ANXA3: variants seen among roughly 807,000 people sequenced by gnomAD.
ANXA3 encodes annexin A3.
In ANXA3, 46 loss-of-function variants were observed where a neutral mutation model predicts 48.8. The observed-to-expected ratio is 0.94, with a 90% CI of 0.74 to 1.21. ANXA3 has a LOEUF of 1.21. Ranked by LOEUF, ANXA3 falls within the 50% of genes most tolerant of loss-of-function variation. The pLI, the probability that ANXA3 is intolerant of heterozygous loss-of-function variation, is 0.00. For synonymous variants in ANXA3, 128 were observed against 134.7 expected, an observed-to-expected ratio of 0.95 and a Z score of 0.35; for missense variants, 383 against 378.6, an observed-to-expected ratio of 1.01 and a Z score of -0.10.
intron 2 of ANXA3, among the ~76,000 whole-genome samples, chr4:78,559,367 G>A (rs1198463325): frequency 6.6e-6 from 1 of 152,146 alleles, no homozygotes; most frequent in African/African-American, 2.4e-5. Flanking sequence ...ACAGGTGTGA[G>A]CCACCACACC....
At chr4:78,573,352 C>T in intron 3 of ANXA3, 85 bp downstream of exon 3, 1 of 981,552 alleles carries the variant, frequency 1.0e-6, no homozygotes, top group Non-Finnish European at 1.6e-6. Context: ...CTCAGATTGG[C>T]TTACTCAATT....
At chr4:78,577,391 A>C (rs1722977550) in intron 3 of ANXA3, among the ~76,000 whole-genome samples, 1 of 152,194 alleles carries the variant, frequency 6.6e-6, no homozygotes, top group Non-Finnish European at 1.5e-5. Context: ...TCAGAGAGGA[A>C]ATACAATAAA....
At chr4:78,561,083 A>C (rs545665319) in intron 2 of ANXA3, among the ~76,000 whole-genome samples, 19 of 152,356 alleles carry the variant, frequency 1.2e-4, no homozygotes, top group Non-Finnish European at 2.2e-4. Context: ...ATAGATTAGC[A>C]AGGCAGAATC....
At chr4:78,578,298 CGAGAGAGAGAGA>C (rs1220106430) in intron 3 of ANXA3, among the ~76,000 whole-genome samples, 2 of 46,516 alleles carry the variant, frequency 4.3e-5, no homozygotes, top group South Asian at 9.6e-4. Flanking sequence ...AGAGAGAGAG[CGAGAGAGAGAGA>C]GAGAGAGAGA....
In ANXA3 at chr4:78,586,389, A is replaced by G. The variant is rs771464975; in HGVS notation, c.403+39A>G. ...TGCTTACCTTCACCACTGTTCACAC[A>G]TATTTGAGCCAATGTTGCTTTTCCT... On this transcript the variant is annotated intron_variant, in intron 6 of 12. Transcript: ENST00000264908. 11 of 1,471,404 alleles carry G rather than the reference A, an allele frequency of 7.5e-6. No individual in the cohort carries two copies. The East Asian group carries it at 2.1e-4, about 28-fold the overall frequency. The allele number at this position is 1,471,404 out of a possible 1,614,324, so 91.1% of individuals were successfully genotyped here. A position where few individuals can be genotyped will look rare whatever the true frequency, so the allele number is the denominator to read the frequency against.
chr4:78,579,767 A>G (rs1454577949), intron 4 of ANXA3, among the ~76,000 whole-genome samples: 1 of 152,132 alleles, frequency 6.6e-6, no homozygotes, highest in Non-Finnish European at 1.5e-5. Flanking sequence ...CATTTCTACT[A>G]AAAATACTGA....
chr4:78,566,208 A>C (rs1242634757), intron 2 of ANXA3, among the ~76,000 whole-genome samples: 1 of 152,150 alleles, frequency 6.6e-6, no homozygotes, highest in Non-Finnish European at 1.5e-5. Context: ...TGGAAAATAC[A>C]ACATCAATGG....
chr4:78,610,039 G>T lies in ANXA3; in HGVS notation c.913-17G>T. On this transcript the variant is annotated splice_polypyrimidine_tract_variant and intron_variant, in intron 12 of 12. Coordinates refer to ENST00000264908, the MANE Select transcript of ANXA3 (RefSeq NM_005139.3). ...ATTTATACTGTATTTGTTCTTCATT[G>T]ATTTTATTCTTTGCAGTCGGATACT... 1 of 1,587,492 alleles carries T rather than the reference G, an allele frequency of 6.3e-7. No homozygotes were observed. The highest frequency in any genetic ancestry group is 1.1e-5 in the South Asian group (1 of 89,346).
intron 10 of ANXA3, among the ~76,000 whole-genome samples, chr4:78,598,292 C>T (rs908430714): frequency 1.4e-5 from 2 of 143,606 alleles, no homozygotes; most frequent in African/African-American, 2.5e-5. Flanking sequence ...TTCTTTCTTT[C>T]TTTTTTTTTT....
chr4:78,590,920 A>G (rs12641838), intron 6 of ANXA3, among the ~76,000 whole-genome samples: 109,010 of 151,924 alleles, frequency 0.72, 39,470 homozygotes, highest in East Asian at 0.88. Flanking sequence ...AGGAACTCAG[A>G]CTTCTTCTTG....
chr4:78,593,899 G>A (rs558019428), intron 7 of ANXA3, among the ~76,000 whole-genome samples: 1 of 143,102 alleles, frequency 7.0e-6, no homozygotes, highest in South Asian at 2.3e-4. Context: ...AATGAATATT[G>A]ATACATTATT....
chr4:78,567,702 G>A (rs944879044), intron 2 of ANXA3, among the ~76,000 whole-genome samples: 1 of 152,210 alleles, frequency 6.6e-6, no homozygotes, highest in African/African-American at 2.4e-5. Flanking sequence ...AGTTAGTACA[G>A]CTTGCTAATA....
chr4:78,578,286 GGAGAGAGAGAGCGAGA>G (rs1722998192), intron 3 of ANXA3, among the ~76,000 whole-genome samples: 1 of 81,184 alleles, frequency 1.2e-5, no homozygotes, highest in Non-Finnish European at 2.6e-5. Flanking sequence ...AGGGCGAAGG[GGAGAGAGAGAGCGAGA>G]GAGAGAGAGA....
Position 78,589,224 on chromosome 4 carries a change from T to C in ANXA3, c.404-2320T>C, listed in dbSNP as rs182823655. 3.5e-3 allele frequency among the ~76,000 whole-genome samples: 537 copies of C among 152,338 alleles called. 2 individuals carry two copies. The highest frequency in any genetic ancestry group is 0.012 in the African/African-American group (510 of 41,586). On this transcript the variant is annotated intron_variant, in intron 6 of 12. Coordinates refer to ENST00000264908, the MANE Select transcript of ANXA3 (RefSeq NM_005139.3). The stretch of plus-strand genomic sequence containing the variant: ...AGGTCTTAAGAGCCAAGTGAAACTT[T>C]TACCATTCAGGATAGTGTTGTGCAG...
intron 2 of ANXA3, 29 bp from the exon 3 acceptor site, chr4:78,573,151 C>G (rs1353210408): frequency 3.3e-6 from 5 of 1,495,970 alleles, no homozygotes; most frequent in Non-Finnish European, 4.7e-6. Flanking sequence ...CATTTTGAAC[C>G]AATGGGACTT....
intron 3 of ANXA3, among the ~76,000 whole-genome samples, chr4:78,574,751 G>A (rs1722912847): frequency 6.6e-6 from 1 of 152,146 alleles, no homozygotes; most frequent in South Asian, 2.1e-4. Context: ...CAGAAGATGG[G>A]AATATTGATG....
chr4:78,553,493 G>C (rs1722442986), intron 1 of ANXA3, among the ~76,000 whole-genome samples: 1 of 152,150 alleles, frequency 6.6e-6, no homozygotes. Flanking sequence ...TTAGCTTTAA[G>C]AGGCAAAATG....
Position 78,610,256 on chromosome 4 carries a change from C to T in ANXA3, c.*141C>T, listed in dbSNP as rs1723731922. On this transcript the variant is annotated 3_prime_UTR_variant, in exon 13 of 13. Transcript: ENST00000264908. ...AGGAATTTTCATTGTTCTATAACAACAACAACAAAAGCGATTATTATTTTA... is the reference window on the plus strand; with the variant it reads ...AGGAATTTTCATTGTTCTATAACAATAACAACAAAAGCGATTATTATTTTA... 2.0e-6 allele frequency: 1 copy of T among 499,708 alleles called. No individual in the cohort carries two copies. The highest frequency in any genetic ancestry group is 1.9e-5 in the African/African-American group (1 of 51,622). The allele number at this position is 499,708 out of a possible 1,614,324, so 31.0% of individuals were successfully genotyped here. A position where few individuals can be genotyped will look rare whatever the true frequency, so the allele number is the denominator to read the frequency against.
intron 6 of ANXA3, among the ~76,000 whole-genome samples, chr4:78,590,270 T>A (rs1723262019): frequency 6.6e-6 from 1 of 152,192 alleles, no homozygotes. Context: ...TGATGCCTAC[T>A]AAATATTATT....
Sources: gnomAD v4.1 joint callset for allele counts (sites outside exome capture counted in the v4.1 genomes callset) on GRCh38, gnomAD v4.1.1 for gene constraint, MANE v1.5 for transcripts, NCBI Gene and HGNC (gene_info 2026-07-23, HGNC 2026-07-21) for gene names.